CNOT6L: variants seen among roughly 807,000 people sequenced by gnomAD.
The protein encoded by CNOT6L is CCR4-NOT transcription complex subunit 6 like, also known as CCR4-NOT transcription complex subunit 6-like.
In CNOT6L, 7 loss-of-function variants were observed where a neutral mutation model predicts 64.0. The observed-to-expected ratio is 0.11, with a 90% CI of 0.06 to 0.21. The LOEUF is 0.21. Among genes scored for constraint, CNOT6L ranks in the 10% least tolerant of loss-of-function variants. The pLI is 1.00. For synonymous variants in CNOT6L, 193 were observed against 243.4 expected (o/e 0.79, Z 1.93); for missense variants, 245 against 669.0 (o/e 0.37, Z 6.99).
intron 4 of CNOT6L, among the ~76,000 whole-genome samples, chr4:77,771,471 G>A (rs1037063509): frequency 1.3e-5 from 2 of 152,132 alleles, no homozygotes; most frequent in African/African-American, 4.8e-5. Context: ...ATAAGAATAA[G>A]ACTGAGCATA....
chr4:77,744,165 A>C (rs953356674), intron 7 of CNOT6L, among the ~76,000 whole-genome samples: 9 of 152,204 alleles, frequency 5.9e-5, no homozygotes, highest in African/African-American at 2.2e-4. Flanking sequence ...ATTTTGAAGC[A>C]ACAGAACACA....
rs1423130535 is a variant in CNOT6L at position 77,716,397 on chromosome 4, T to C, written c.*4034A>G. The C allele has an allele frequency of 1.3e-5, 2 of 152,114 alleles. No individual in the cohort carries two copies. The highest frequency in any genetic ancestry group is 2.1e-4 in the South Asian group (1 of 4,834). 9.4% of individuals were successfully genotyped at this position (152,114 alleles called of 1,614,324 possible). ...TAGCCATGTATTAGGAATGACATAA[T>C]GATGTGGTTATATGCCTCTGGTTCT... On this transcript the variant is annotated 3_prime_UTR_variant, in exon 12 of 12. Coordinates refer to ENST00000504123, the MANE Select transcript of CNOT6L (RefSeq NM_144571.3).
chr4:77,725,023 C>T (rs1450462044), intron 11 of CNOT6L, among the ~76,000 whole-genome samples: 2 of 152,100 alleles, frequency 1.3e-5, no homozygotes, highest in African/African-American at 4.8e-5. Context: ...GAGCTTTTTC[C>T]CAAAAAGCTC....
At chr4:77,760,859 GCTTTTT>G (rs1726131931) in intron 4 of CNOT6L, among the ~76,000 whole-genome samples, 2 of 37,174 alleles carry the variant, frequency 5.4e-5, no homozygotes, top group African/African-American at 1.8e-4. Context: ...ACCATGCCTG[GCTTTTT>G]TTTTTTTTTT....
intron 11 of CNOT6L, among the ~76,000 whole-genome samples, chr4:77,725,825 G>GTAAC (rs1457296132): frequency 3.9e-5 from 6 of 152,168 alleles, no homozygotes; most frequent in African/African-American, 1.4e-4. Context: ...GGGGAGGGAG[G>GTAAC]TTACTGCTGA....
At chr4:77,758,387 A>C (rs1321381476) in intron 4 of CNOT6L, among the ~76,000 whole-genome samples, 1 of 152,228 alleles carries the variant, frequency 6.6e-6, no homozygotes, top group Non-Finnish European at 1.5e-5. Context: ...ATTATCCAAA[A>C]TGCGTCACTG....
Position 77,757,241 on chromosome 4 carries a change from C to T in CNOT6L, c.401-290G>A, listed in dbSNP as rs149028064. ...CACAACCTGGCACCTTGAAGTAATCCTATAGGTTCTACATTAATCTTTGAA... is the reference window on the plus strand; with the variant it reads ...CACAACCTGGCACCTTGAAGTAATCTTATAGGTTCTACATTAATCTTTGAA... On this transcript the variant is annotated intron_variant, in intron 4 of 11. Transcript: ENST00000504123. Among the ~76,000 whole-genome samples, 369 of 152,152 alleles carry T rather than the reference C, an allele frequency of 2.4e-3. 2 individuals are homozygous for T. The highest frequency in any genetic ancestry group is 8.5e-3 in the African/African-American group (355 of 41,534).
chr4:77,736,785 T>C (rs6815709), intron 8 of CNOT6L, among the ~76,000 whole-genome samples: 78 of 152,306 alleles, frequency 5.1e-4, no homozygotes, highest in African/African-American at 1.7e-3. Flanking sequence ...TGATGATATT[T>C]TATTCTAAGA....
Position 77,732,192 on chromosome 4 carries a change from ACTCT to A in CNOT6L, c.873-658_873-655del, listed in dbSNP as rs562446930. Among the ~76,000 whole-genome samples the A allele has an allele frequency of 3.5e-3, 536 of 151,916 alleles. 4 individuals carry two copies. The highest frequency in any genetic ancestry group is 0.013 in the African/African-American group (521 of 41,476). On this transcript the variant is annotated intron_variant, in intron 8 of 11. Transcript: ENST00000504123. The stretch of plus-strand genomic sequence containing the variant: ...ACAGATTCTGCAAGATGAAGAAATG[ACTCT>A]CTCTGTGATTATAGCTTCTGCACTA...
chr4:77,795,692 C>A (rs144976746), intron 1 of CNOT6L, among the ~76,000 whole-genome samples: 235 of 152,218 alleles, frequency 1.5e-3, no homozygotes, highest in African/African-American at 5.4e-3. Context: ...GAAGTCTGTA[C>A]GGGGCCCACA....
rs1728517157 is a variant in CNOT6L at position 77,779,060 on chromosome 4, AAACAAAAAAAAAACAC to A, written c.6-2684_6-2669del. ...AGACTCTGTCTCAAAAAAAAAAAAA[AAACAAAAAAAAAACAC>A]AAAAAACACACAGGCATAGGATTAG... On this transcript the variant is annotated intron_variant, in intron 1 of 11. Transcript: ENST00000504123. Among the ~76,000 whole-genome samples the A allele has an allele frequency of 3.1e-5, 3 of 97,972 alleles. 1 individual carries two copies. In the South Asian group the frequency reaches 9.2e-4, roughly 30 times the overall value. The allele number at this position is 97,972 out of a possible 152,430, so 64.3% of individuals were successfully genotyped here.
chr4:77,764,242 C>T (rs1005028123), intron 4 of CNOT6L, among the ~76,000 whole-genome samples: 8 of 152,026 alleles, frequency 5.3e-5, no homozygotes, highest in Middle Eastern at 3.2e-3. Flanking sequence ...TAGCTGGAAA[C>T]GGACTATGAA....
At chr4:77,820,025 T>C (rs1734106995), upstream of CNOT6L, among the ~76,000 whole-genome samples, 1 of 152,002 alleles carries the variant, frequency 6.6e-6, no homozygotes, top group Admixed American at 6.5e-5. Flanking sequence ...AGCCTGGCCT[T>C]GGCCTTGGCC....
chr4:77,759,436 G>A (rs1725925454), intron 4 of CNOT6L, among the ~76,000 whole-genome samples: 1 of 151,928 alleles, frequency 6.6e-6, no homozygotes, highest in Admixed American at 6.6e-5. Flanking sequence ...GTGGTTGCGG[G>A]CGCTTGTAGT....
At chr4:77,767,155 C>T (rs1726945325) in intron 4 of CNOT6L, among the ~76,000 whole-genome samples, 1 of 118,872 alleles carries the variant, frequency 8.4e-6, no homozygotes, top group Non-Finnish European at 1.7e-5. Flanking sequence ...ATAAGTCTAA[C>T]AGATGTACTT....
rs541629931 is a variant in CNOT6L, at chr4:77,771,016, C to T, written c.400+2065G>A. Among the ~76,000 whole-genome samples the T allele has an allele frequency of 5.9e-5, 9 of 152,266 alleles. No homozygotes were observed. In the South Asian group the frequency reaches 1.9e-3, roughly 32 times the overall value. On this transcript the variant is annotated intron_variant, in intron 4 of 11. Coordinates refer to ENST00000504123, the MANE Select transcript of CNOT6L (RefSeq NM_144571.3). ...GTTTCTAATACAAAGGGTAAGTCCA[C>T]TGGATTCAACAGTAAATTATTCGCC...
At chr4:77,738,709 C>A (rs927567150) in intron 8 of CNOT6L, among the ~76,000 whole-genome samples, 1 of 144,710 alleles carries the variant, frequency 6.9e-6, no homozygotes, top group Non-Finnish European at 1.5e-5. Flanking sequence ...GCCAAGATCA[C>A]GCCACTGCAC....
rs147922697 is a variant in CNOT6L at position 77,732,864 on chromosome 4, G to A, written c.873-1326C>T. Among the ~76,000 whole-genome samples the A allele has an allele frequency of 1.2e-3, 177 of 152,200 alleles. 2 individuals carry two copies. Among genetic ancestry groups the A allele is most frequent in the African/African-American group, 4.1e-3 (169 of 41,556 alleles). On this transcript the variant is annotated intron_variant, in intron 8 of 11. Coordinates refer to ENST00000504123, the MANE Select transcript of CNOT6L (RefSeq NM_144571.3). ...AGGAGAGATAAAAGTTCTAAGCCAGGACATGGTATCATTTGATTTATGTTT... is the reference window on the plus strand; with the variant it reads ...AGGAGAGATAAAAGTTCTAAGCCAGAACATGGTATCATTTGATTTATGTTT...
chr4:77,742,541 C>T (rs1723710682), intron 7 of CNOT6L: 1 of 508,870 alleles, frequency 2.0e-6, no homozygotes, highest in African/African-American at 1.9e-5. Flanking sequence ...AGTAGGACTA[C>T]ATCCCAAGGT....
Sources: allele counts gnomAD v4.1 joint callset (sites outside exome capture counted in the v4.1 genomes callset), GRCh38; gene constraint gnomAD v4.1.1; transcripts MANE v1.5; gene names NCBI Gene and HGNC (gene_info 2026-07-23, HGNC 2026-07-21).